HTR7: variants seen among roughly 807,000 people sequenced by gnomAD.
HTR7 encodes 5-hydroxytryptamine receptor 7.
A neutral mutation model predicts 34.0 loss-of-function variants in HTR7; 16 were observed. The observed-to-expected ratio is 0.47, with a 90% CI of 0.32 to 0.71. HTR7 has a LOEUF of 0.71. Among genes scored for constraint, HTR7 ranks in the 30% least tolerant of loss-of-function variants. The pLI, the probability that HTR7 is intolerant of heterozygous loss-of-function variation, is 0.04. For synonymous variants in HTR7, 265 were observed against 260.2 expected (o/e 1.02, Z -0.18); for missense variants, 504 against 625.5 (o/e 0.81, Z 2.07).
In HTR7 at chr10:90,814,007, G is replaced by A. The variant is rs372388779; in HGVS notation, c.539+43126C>T. On this transcript the variant is annotated intron_variant, in intron 1 of 3. Coordinates refer to ENST00000336152, the MANE Select transcript of HTR7 (RefSeq NM_019859.4). ...TCCCATTCAGGTGCCCCTCTCTTTC[G>A]CAAGAGAGAGAGCTGTTCTCCTTTC... Among the ~76,000 whole-genome samples, 80 of 152,206 alleles carry A rather than the reference G, an allele frequency of 5.3e-4. No homozygotes were observed. In the East Asian group the frequency reaches 5.4e-3, roughly 10 times the overall value.
rs1344155942 is a variant in HTR7 at position 90,742,185 on chromosome 10, A to G, written c.*297T>C. On this transcript the variant is annotated 3_prime_UTR_variant, in exon 4 of 4. Transcript: ENST00000336152. ...TTCTCCCACTTGCATGGATTTGGAC[A>G]TATGCAAAGCACCAGAAACTGCTTC... 8.3e-6 allele frequency: 2 copies of G among 241,170 alleles called. No homozygotes were observed. The highest frequency in any genetic ancestry group is 1.6e-5 in the Non-Finnish European group (2 of 124,700). 14.9% of individuals were successfully genotyped at this position (241,170 alleles called of 1,614,324 possible).
intron 1 of HTR7, among the ~76,000 whole-genome samples, chr10:90,772,748 G>A (rs1444030785): frequency 2.6e-5 from 4 of 152,114 alleles, no homozygotes; most frequent in Non-Finnish European, 5.9e-5. Context: ...AGCAGAACAA[G>A]AACAAAATTA....
intron 2 of HTR7, 47 bp downstream of exon 2, chr10:90,748,792 T>C: frequency 1.3e-6 from 2 of 1,547,296 alleles, no homozygotes; most frequent in Non-Finnish European, 1.7e-6. Context: ...AAAAGCTGCA[T>C]AAAAGGGTTT....
rs1027128956 is a variant in HTR7 at position 90,852,355 on chromosome 10, G to A, written c.539+4778C>T. Reference sequence around the variant, plus strand: ...CATGTAAGCAAAGAAGAATGAATACGGACTGTTACAACAATAAAAATAATA... The same window carrying A: ...CATGTAAGCAAAGAAGAATGAATACAGACTGTTACAACAATAAAAATAATA... On this transcript the variant is annotated intron_variant, in intron 1 of 3. Coordinates refer to ENST00000336152, the MANE Select transcript of HTR7 (RefSeq NM_019859.4). Among the ~76,000 whole-genome samples, 9 of 151,884 alleles carry A rather than the reference G, an allele frequency of 5.9e-5. No homozygotes were observed. In the East Asian group the frequency reaches 7.7e-4, roughly 13 times the overall value.
chr10:90,823,991 T>C (rs1027391584), intron 1 of HTR7, among the ~76,000 whole-genome samples: 1 of 152,220 alleles, frequency 6.6e-6, no homozygotes, highest in African/African-American at 2.4e-5. Context: ...AAACCCCTTT[T>C]CTTCATAAAT....
intron 1 of HTR7, among the ~76,000 whole-genome samples, chr10:90,809,737 T>C (rs1430296050): frequency 1.3e-5 from 2 of 152,236 alleles, no homozygotes; most frequent in Non-Finnish European, 2.9e-5. Context: ...AAGGAATGCC[T>C]GCAGCCCAGG....
intron 1 of HTR7, among the ~76,000 whole-genome samples, chr10:90,853,462 T>C (rs1846531349): frequency 6.6e-6 from 1 of 150,874 alleles, no homozygotes; most frequent in Admixed American, 6.6e-5. Flanking sequence ...TTTTGTTTCT[T>C]TTCTTTTCTT....
intron 1 of HTR7, among the ~76,000 whole-genome samples, chr10:90,797,292 A>G (rs980347516): frequency 1.3e-5 from 2 of 152,130 alleles, no homozygotes; most frequent in African/African-American, 4.8e-5. Flanking sequence ...GGAGAAGGAA[A>G]CTATTTTCTT....
chr10:90,823,997 T>C (rs558408611), intron 1 of HTR7, among the ~76,000 whole-genome samples: 1 of 152,346 alleles, frequency 6.6e-6, no homozygotes, highest in South Asian at 2.1e-4. Flanking sequence ...CTTTTCTTCA[T>C]AAATTACTGA....
intron 2 of HTR7, 130 bp from the exon 3 acceptor site, chr10:90,743,820 A>G: frequency 1.3e-6 from 1 of 764,312 alleles, no homozygotes. Context: ...TGTGAAAAGG[A>G]TTAAAATTGA....
At chr10:90,839,778 G>GAAT (rs1846300541) in intron 1 of HTR7, among the ~76,000 whole-genome samples, 1 of 151,932 alleles carries the variant, frequency 6.6e-6, no homozygotes, top group Non-Finnish European at 1.5e-5. Context: ...GAGAATACCA[G>GAAT]GGTTTTTATT....
At chr10:90,854,485 T>C (rs1846549578) in intron 1 of HTR7, among the ~76,000 whole-genome samples, 1 of 152,204 alleles carries the variant, frequency 6.6e-6, no homozygotes, top group Non-Finnish European at 1.5e-5. Flanking sequence ...TAGTTTGGTA[T>C]TTGCTGGCTC....
At chr10:90,815,637 G>A (rs1845887790) in intron 1 of HTR7, among the ~76,000 whole-genome samples, 1 of 152,134 alleles carries the variant, frequency 6.6e-6, no homozygotes, top group Non-Finnish European at 1.5e-5. Flanking sequence ...ACACCTGGGT[G>A]ACGGGATGAT....
At chr10:90,807,725 C>G (rs528504254) in intron 1 of HTR7, among the ~76,000 whole-genome samples, 1 of 152,190 alleles carries the variant, frequency 6.6e-6, no homozygotes, top group Non-Finnish European at 1.5e-5. Context: ...TCTCTTCACA[C>G]GGACGCGCAT....
At chr10:90,765,350 C>T (rs1845004731) in intron 1 of HTR7, among the ~76,000 whole-genome samples, 1 of 152,086 alleles carries the variant, frequency 6.6e-6, no homozygotes, top group African/African-American at 2.4e-5. Flanking sequence ...ATCATAGTCT[C>T]TTATGATCCT....
chr10:90,763,485 C>T lies in HTR7; in HGVS notation c.540-13891G>A, dbSNP rs1045896335. Among the ~76,000 whole-genome samples the T allele has an allele frequency of 2.6e-5, 4 of 152,072 alleles. No individual in the cohort carries two copies. In the East Asian group the frequency reaches 5.8e-4, roughly 22 times the overall value. On this transcript the variant is annotated intron_variant, in intron 1 of 3. Coordinates refer to ENST00000336152, the MANE Select transcript of HTR7 (RefSeq NM_019859.4). The stretch of plus-strand genomic sequence containing the variant: ...AAATTTTACTTTGAGTTCTGGGATA[C>T]GTGTGCAGAACATGAAGGTTTGTTA...
intron 1 of HTR7, among the ~76,000 whole-genome samples, chr10:90,855,788 A>G (rs1304307065): frequency 6.6e-6 from 1 of 152,246 alleles, no homozygotes; most frequent in African/African-American, 2.4e-5. Flanking sequence ...GTTTGCTGTC[A>G]GCAGCTTCTA....
intron 1 of HTR7, among the ~76,000 whole-genome samples, chr10:90,826,689 G>A (rs910981799): frequency 2.6e-4 from 39 of 152,296 alleles, no homozygotes; most frequent in African/African-American, 9.4e-4. Context: ...GGTAATCCCA[G>A]CACTTTGGGA....
intron 1 of HTR7, among the ~76,000 whole-genome samples, chr10:90,788,145 G>A (rs1044024084): frequency 2.6e-5 from 4 of 152,102 alleles, no homozygotes; most frequent in African/African-American, 9.7e-5. Flanking sequence ...ATGGTTGACA[G>A]CCAGCAAGGG....
Sources: allele counts gnomAD v4.1 joint callset (sites outside exome capture counted in the v4.1 genomes callset), GRCh38; gene constraint gnomAD v4.1.1; transcripts MANE v1.5; gene names NCBI Gene and HGNC (gene_info 2026-07-23, HGNC 2026-07-21).